The following PHF21A variants were observed in gnomAD, a reference collection of about 807,000 sequenced individuals.
The protein encoded by PHF21A is BHC80a.
A neutral mutation model predicts 82.5 loss-of-function variants in PHF21A; 11 were observed. The ratio of observed to expected loss-of-function variants is 0.13; its 90% CI spans 0.08 to 0.22. The LOEUF is 0.22. Ranked by LOEUF, PHF21A falls within the 10% of genes least tolerant of loss-of-function variation. The pLI is 1.00. For missense variants in PHF21A, 579 were observed against 837.8 expected (o/e 0.69, Z 3.81); for synonymous variants, 297 against 302.8 (o/e 0.98, Z 0.20).
intron 1 of PHF21A, among the ~76,000 whole-genome samples, chr11:46,093,480 T>A (rs962399857): frequency 3.9e-5 from 6 of 152,380 alleles, no homozygotes; most frequent in African/African-American, 1.4e-4. Flanking sequence ...GCTATTCTAT[T>A]CTGCCTTTTC....
intron 1 of PHF21A, among the ~76,000 whole-genome samples, chr11:46,100,768 C>T (rs567957978): frequency 6.6e-6 from 1 of 152,238 alleles, no homozygotes; most frequent in South Asian, 2.1e-4. Flanking sequence ...ATAAGTCTAC[C>T]ATTACCTTGT....
In PHF21A at chr11:46,088,408, TAAC is replaced by T. The variant is rs3061959; in HGVS notation, c.-84+2044_-84+2046del. Among the ~76,000 whole-genome samples the T allele has an allele frequency of 3.1e-3, 469 of 150,830 alleles. 4 individuals are homozygous for T. The East Asian group carries it at 0.043, about 14-fold the overall frequency. ...TATCTAATGGCCTCTAACTTTCCAA[TAAC>T]AACAACAACAACAACAACAACAACA... On this transcript the variant is annotated intron_variant, in intron 3 of 18. Coordinates refer to ENST00000676320, the MANE Select transcript of PHF21A (RefSeq NM_001352027.3).
At chr11:45,942,481 T>C (rs1590996681) in intron 15 of PHF21A, among the ~76,000 whole-genome samples, 3 of 152,158 alleles carry the variant, frequency 2.0e-5, no homozygotes, top group South Asian at 2.1e-4. Flanking sequence ...TGAGAAAAAG[T>C]TGGGACAATC....
At chr11:45,969,146 T>C (rs981002241) in intron 9 of PHF21A, among the ~76,000 whole-genome samples, 1 of 152,156 alleles carries the variant, frequency 6.6e-6, no homozygotes, top group Non-Finnish European at 1.5e-5. Context: ...GTCTGAAAAC[T>C]AGGGCCTCAG....
Position 45,945,883 on chromosome 11 carries a change from G to A in PHF21A, c.1409C>T (p.Ala470Val). 6.2e-7 allele frequency: 1 copy of A among 1,609,846 alleles called. No individual in the cohort carries two copies. Among genetic ancestry groups the A allele is most frequent in the South Asian group, 1.1e-5 (1 of 90,818 alleles). Residue 470 changes from alanine to valine, a missense_variant, in exon 15 of 19, where the codon GCA becomes GTA. Coordinates refer to ENST00000676320, the MANE Select transcript of PHF21A (RefSeq NM_001352027.3). The part of the protein sequence containing the change: ...EKTETTFTFP[A>V]PVQPVSLPSP... ...GGGCAGGGACACAGGCTGAACAGGTGCAGGGAAAGTGAATGTGGTCTCTGT... is the reference window on the plus strand; with the variant it reads ...GGGCAGGGACACAGGCTGAACAGGTACAGGGAAAGTGAATGTGGTCTCTGT...
chr11:46,021,690 C>T (rs1052809392), intron 6 of PHF21A, among the ~76,000 whole-genome samples: 1 of 152,038 alleles, frequency 6.6e-6, no homozygotes, highest in Non-Finnish European at 1.5e-5. Context: ...TATAGGCACA[C>T]ACCACTATGC....
chr11:46,001,225 T>G (rs2095116851), intron 6 of PHF21A, among the ~76,000 whole-genome samples: 1 of 151,686 alleles, frequency 6.6e-6, no homozygotes, highest in South Asian at 2.1e-4. Context: ...TGGTAGAGAA[T>G]CTGAAGGGAA....
intron 6 of PHF21A, among the ~76,000 whole-genome samples, chr11:46,074,711 C>T (rs1376161544): frequency 1.3e-5 from 2 of 152,190 alleles, no homozygotes; most frequent in Non-Finnish European, 2.9e-5. Flanking sequence ...CCACGTTGGC[C>T]AGGCTAGTCT....
chr11:45,980,711 G>A (rs1209076341), intron 6 of PHF21A, among the ~76,000 whole-genome samples: 2 of 152,166 alleles, frequency 1.3e-5, no homozygotes, highest in East Asian at 1.9e-4. Context: ...ACAGATACTA[G>A]CCATAGTAAT....
chr11:45,957,812 A>G (rs966902512), intron 10 of PHF21A, among the ~76,000 whole-genome samples: 2 of 151,636 alleles, frequency 1.3e-5, no homozygotes, highest in Admixed American at 6.6e-5. Context: ...AATGAAATAG[A>G]GAAGAACAAC....
intron 13 of PHF21A, 57 bp from the exon 14 acceptor site, chr11:45,949,003 T>C (rs2135454995): frequency 7.5e-7 from 1 of 1,325,444 alleles, no homozygotes; most frequent in Non-Finnish European, 1.1e-6. Flanking sequence ...TTACTAATAC[T>C]GGCACAAGCT....
At chr11:46,018,348 G>A (rs1261591909) in intron 6 of PHF21A, among the ~76,000 whole-genome samples, 2 of 152,002 alleles carry the variant, frequency 1.3e-5, no homozygotes, top group Non-Finnish European at 2.9e-5. Context: ...TGTTAGCTGC[G>A]CATCATGAAG....
intron 3 of PHF21A, among the ~76,000 whole-genome samples, chr11:46,086,300 T>C (rs1461266136): frequency 1.3e-5 from 2 of 152,138 alleles, no homozygotes; most frequent in Admixed American, 6.6e-5. Context: ...TTTGTATTTT[T>C]AGTAGAGACG....
At chr11:46,049,789 C>T (rs565970236) in intron 6 of PHF21A, among the ~76,000 whole-genome samples, 3 of 152,134 alleles carry the variant, frequency 2.0e-5, no homozygotes, top group South Asian at 4.1e-4. Flanking sequence ...ATTAGAGTCA[C>T]GAATAGCAAA....
chr11:46,023,659 G>A (rs2095675608), intron 6 of PHF21A, among the ~76,000 whole-genome samples: 1 of 152,132 alleles, frequency 6.6e-6, no homozygotes, highest in South Asian at 2.1e-4. Flanking sequence ...TGTGTGTTAA[G>A]AATCACTGAA....
intron 6 of PHF21A, among the ~76,000 whole-genome samples, chr11:46,028,708 G>C (rs1485883772): frequency 2.6e-5 from 4 of 151,764 alleles, no homozygotes; most frequent in Non-Finnish European, 4.4e-5. Flanking sequence ...TGAGTAGCTG[G>C]GATTACAGGC....
At chr11:45,936,789 GC>G in intron 16 of PHF21A, 1 of 511,744 alleles carries the variant, frequency 2.0e-6, no homozygotes, top group South Asian at 2.4e-5. Flanking sequence ...GGACACTTGA[GC>G]CCAGGCTTAG....
At chr11:45,964,381 T>C (rs922675604) in intron 10 of PHF21A, among the ~76,000 whole-genome samples, 4 of 151,904 alleles carry the variant, frequency 2.6e-5, no homozygotes, top group African/African-American at 9.7e-5. Flanking sequence ...GCTGCCTGGG[T>C]TTAAGGTCTA....
intron 6 of PHF21A, among the ~76,000 whole-genome samples, chr11:46,062,679 C>G (rs776673322): frequency 6.6e-6 from 1 of 152,058 alleles, no homozygotes; most frequent in Non-Finnish European, 1.5e-5. Context: ...GATTGAAGCG[C>G]TAAGAATGTG....
Sources: allele counts gnomAD v4.1 joint callset (sites outside exome capture counted in the v4.1 genomes callset), GRCh38; gene constraint gnomAD v4.1.1; transcripts MANE v1.5; gene names NCBI Gene and HGNC (gene_info 2026-07-23, HGNC 2026-07-21).